OPCML: variants seen among roughly 807,000 people sequenced by gnomAD.
OPCML encodes opioid binding protein/cell adhesion molecule like, also known as opioid-binding protein/cell adhesion molecule.
OPCML carries 13 observed loss-of-function variants against 37.8 expected under a neutral mutation model. That is an observed-to-expected ratio of 0.34 (90% CI 0.22 to 0.55). The LOEUF is 0.55. Ranked by LOEUF, OPCML falls within the 20% of genes least tolerant of loss-of-function variation. The pLI is 0.91. For missense variants in OPCML, 341 were observed against 435.6 expected, an observed-to-expected ratio of 0.78 and a Z score of 1.93; for synonymous variants, 176 against 168.8, an observed-to-expected ratio of 1.04 and a Z score of -0.33.
chr11:133,444,493 TAGA>T (rs1265926082), intron 1 of OPCML, among the ~76,000 whole-genome samples: 1 of 152,180 alleles, frequency 6.6e-6, no homozygotes, highest in African/African-American at 2.4e-5. Context: ...GAAAAAATGT[TAGA>T]AGAAGATTGC....
At chr11:133,495,526 G>A (rs941976583) in intron 1 of OPCML, among the ~76,000 whole-genome samples, 10 of 152,160 alleles carry the variant, frequency 6.6e-5, no homozygotes, top group African/African-American at 2.4e-4. Context: ...ACCAGCAGTG[G>A]AGAAGCGTTC....
intron 3 of OPCML, among the ~76,000 whole-genome samples, chr11:132,603,744 C>T (rs752925024): frequency 3.2e-4 from 49 of 152,186 alleles, no homozygotes; most frequent in Non-Finnish European, 6.6e-4. Context: ...TGTATTCCTA[C>T]CTGATTGTAC....
intron 1 of OPCML, among the ~76,000 whole-genome samples, chr11:133,246,541 G>A (rs1940932160): frequency 6.6e-6 from 1 of 152,212 alleles, no homozygotes; most frequent in Non-Finnish European, 1.5e-5. Context: ...TGCAGGGGAA[G>A]GGAAGGGTGA....
chr11:133,279,639 C>T (rs926750499), intron 1 of OPCML, among the ~76,000 whole-genome samples: 2 of 152,192 alleles, frequency 1.3e-5, no homozygotes, highest in African/African-American at 2.4e-5. Context: ...ACCTCCACCC[C>T]ATGCCCGGCT....
chr11:132,617,288 A>G (rs762519411), intron 3 of OPCML, among the ~76,000 whole-genome samples: 1 of 152,222 alleles, frequency 6.6e-6, no homozygotes, highest in African/African-American at 2.4e-5. Context: ...GACAGAACAT[A>G]TATTCACAAA....
intron 1 of OPCML, among the ~76,000 whole-genome samples, chr11:133,519,075 C>T (rs1948349454): frequency 6.6e-6 from 1 of 152,102 alleles, no homozygotes; most frequent in Non-Finnish European, 1.5e-5. Flanking sequence ...ACTGTGAGCT[C>T]CCGTTGCGGG....
intron 1 of OPCML, among the ~76,000 whole-genome samples, chr11:133,108,814 A>AT (rs1949203795): frequency 6.6e-6 from 1 of 151,836 alleles, no homozygotes; most frequent in Non-Finnish European, 1.5e-5. Context: ...TGATAAAAAA[A>AT]AATGTGAAAT....
rs114319135 is a variant in OPCML at position 132,594,937 on chromosome 11, G to A, written c.379+62150C>T. On this transcript the variant is annotated intron_variant, in intron 3 of 7. Transcript: ENST00000524381. ...CAGATTTCCCAACCCCGAGTTCAAG[G>A]CAGATATGCTCTATTTCAAGACGTG... Among the ~76,000 whole-genome samples the A allele has an allele frequency of 2.7e-3, 418 of 152,270 alleles. 5 individuals are homozygous for A. The highest frequency in any genetic ancestry group is 9.8e-3 in the African/African-American group (406 of 41,546).
At chr11:133,136,201 A>T (rs1191777496) in intron 1 of OPCML, among the ~76,000 whole-genome samples, 1 of 152,228 alleles carries the variant, frequency 6.6e-6, no homozygotes, top group Non-Finnish European at 1.5e-5. Context: ...TTTGTGAAGA[A>T]GGGCTCTTAT....
intron 1 of OPCML, among the ~76,000 whole-genome samples, chr11:133,517,469 A>G (rs894602964): frequency 1.3e-5 from 2 of 152,202 alleles, no homozygotes; most frequent in Non-Finnish European, 2.9e-5. Flanking sequence ...AGTGTAATAA[A>G]AGCGGAATTC....
chr11:132,964,377 T>G (rs1217191813), intron 1 of OPCML, among the ~76,000 whole-genome samples: 1 of 152,194 alleles, frequency 6.6e-6, no homozygotes, highest in Non-Finnish European at 1.5e-5. Context: ...GAGTTTGGAC[T>G]TTGCGATCAA....
At chr11:132,899,954 C>T (rs1360964286) in intron 2 of OPCML, among the ~76,000 whole-genome samples, 1 of 152,130 alleles carries the variant, frequency 6.6e-6, no homozygotes, top group Non-Finnish European at 1.5e-5. Context: ...GGCCCTGGAA[C>T]TTGGACTGAG....
chr11:132,447,087 G>T (rs541762558), intron 4 of OPCML, among the ~76,000 whole-genome samples: 3 of 152,330 alleles, frequency 2.0e-5, no homozygotes, highest in South Asian at 2.1e-4. Flanking sequence ...CCTTCAATTA[G>T]TTACAACATC....
In OPCML at chr11:132,740,011, C is replaced by CA. The variant is rs1316877638; in HGVS notation, c.147-82693dup. On this transcript the variant is annotated intron_variant, in intron 2 of 7. Coordinates refer to ENST00000524381, the MANE Select transcript of OPCML (RefSeq NM_001012393.5). ...GTCTATCTGTTTCCCCCACCCTGTG[C>CA]AAAAAAGAAAAAAATATAACTTGAT... is the stretch of plus-strand genomic sequence containing the variant. 2.6e-5 allele frequency among the ~76,000 whole-genome samples: 4 copies of CA among 151,806 alleles called. No homozygotes were observed. In the East Asian group the frequency reaches 5.8e-4, roughly 22 times the overall value.
At position 132,524,575 on chromosome 11, in the gene OPCML, G is replaced by A. The variant is rs368640987; in HGVS notation, c.505+4486C>T. ...AAGTTCAGCAGTTTGCATAGAAACA[G>A]CAAAACCCCAAAGGGACGTTTGCAT... On this transcript the variant is annotated intron_variant, in intron 4 of 7. Transcript: ENST00000524381. 3.9e-5 allele frequency among the ~76,000 whole-genome samples: 6 copies of A among 152,294 alleles called. 1 individual carries two copies. Among genetic ancestry groups the A allele is most frequent in the African/African-American group, 1.4e-4 (6 of 41,564 alleles).
chr11:132,571,628 T>G (rs1026007689), intron 3 of OPCML, among the ~76,000 whole-genome samples: 2 of 152,206 alleles, frequency 1.3e-5, no homozygotes, highest in Non-Finnish European at 2.9e-5. Flanking sequence ...CTGAGTACTA[T>G]TCTATCATAC....
intron 1 of OPCML, among the ~76,000 whole-genome samples, chr11:133,438,208 A>G (rs1280208502): frequency 1.3e-5 from 2 of 152,202 alleles, no homozygotes; most frequent in East Asian, 3.9e-4. Context: ...TAAATTTTTT[A>G]TTCTTATGTA....
At chr11:132,919,557 T>C (rs1431754048) in intron 2 of OPCML, among the ~76,000 whole-genome samples, 1 of 152,134 alleles carries the variant, frequency 6.6e-6, no homozygotes, top group Admixed American at 6.5e-5. Flanking sequence ...GCCAGGGCGA[T>C]TGGCTGCAGC....
At chr11:133,015,573 C>A (rs1947317795) in intron 1 of OPCML, among the ~76,000 whole-genome samples, 1 of 152,124 alleles carries the variant, frequency 6.6e-6, no homozygotes, top group African/African-American at 2.4e-5. Flanking sequence ...TTCTGTGTGC[C>A]TGAAGGCCAA....
Sources: allele counts gnomAD v4.1 joint callset (sites outside exome capture counted in the v4.1 genomes callset), GRCh38; gene constraint gnomAD v4.1.1; transcripts MANE v1.5; gene names NCBI Gene and HGNC (gene_info 2026-07-23, HGNC 2026-07-21).